MALRD1: variants seen among roughly 807,000 people sequenced by gnomAD.
The protein encoded by MALRD1 is MAM and LDL-receptor class A domain-containing protein 1.
In MALRD1, 247 loss-of-function variants were observed where a neutral mutation model predicts 242.1. That is an observed-to-expected ratio of 1.02 (90% confidence interval 0.92 to 1.13). The LOEUF is 1.13. MALRD1 is among the 50% of genes most tolerant of loss of function. The probability of loss-of-function intolerance (pLI) is 0.00; values close to 1 mark genes in which losing one functional copy is unlikely to be tolerated. For synonymous variants in MALRD1, 995 were observed against 866.6 expected, an observed-to-expected ratio of 1.15 and a Z score of -2.60; for missense variants, 2,989 against 2,533.1, an observed-to-expected ratio of 1.18 and a Z score of -3.86.
Position 19,050,022 on chromosome 10 carries a change from G to A in MALRD1, c.199+885G>A, listed in dbSNP as rs141484023. Among the ~76,000 whole-genome samples, 788 of 151,472 alleles carry A rather than the reference G, an allele frequency of 5.2e-3. 5 individuals carry two copies. Among genetic ancestry groups the A allele is most frequent in the African/African-American group, 0.019 (764 of 41,278 alleles). On this transcript the variant is annotated intron_variant, in intron 1 of 39. Coordinates refer to ENST00000454679, the MANE Select transcript of MALRD1 (RefSeq NM_001142308.3). Reference sequence around the variant, plus strand: ...AGAGTTCATAGTAGCTATTGGTGCGGTTAATTATCCAGAGGCACGAATTCT... The same window carrying A: ...AGAGTTCATAGTAGCTATTGGTGCGATTAATTATCCAGAGGCACGAATTCT...
intron 17 of MALRD1, among the ~76,000 whole-genome samples, chr10:19,205,957 T>G (rs886331685): frequency 6.6e-6 from 1 of 151,144 alleles, no homozygotes; most frequent in African/African-American, 2.4e-5. Context: ...AAAGAAAAAG[T>G]TTGCATCTTT....
intron 2 of MALRD1, among the ~76,000 whole-genome samples, chr10:19,076,424 C>T (rs1441917041): frequency 6.6e-6 from 1 of 151,832 alleles, no homozygotes; most frequent in African/African-American, 2.4e-5. Flanking sequence ...CTTACAGTTC[C>T]CTGTAAGAGT....
At chr10:19,368,222 C>T (rs1304289734) in intron 26 of MALRD1, among the ~76,000 whole-genome samples, 1 of 151,920 alleles carries the variant, frequency 6.6e-6, no homozygotes. Flanking sequence ...AAGCATTTCC[C>T]TTATGTTTTC....
chr10:19,283,078 G>A lies in MALRD1; in HGVS notation c.3316G>A (p.Val1106Ile). ...GTGTAAATGGTATCAACCAATCCCA[G>A]TACATTTGCTTCAAGATTCAAACAC... Reference protein sequence around the residue: ...SLCKWYQPIPVHLLQDSNTFR... With the variant: ...SLCKWYQPIPIHLLQDSNTFR... Residue 1106 changes from valine (V) to isoleucine (I), a missense_variant, in exon 21 of 40, where the codon GTA becomes ATA. Transcript: ENST00000454679. The A allele has an allele frequency of 6.5e-7, 1 of 1,550,102 alleles. No individual in the cohort carries two copies. Among genetic ancestry groups the A allele is most frequent in the Non-Finnish European group, 8.7e-7 (1 of 1,146,656 alleles).
intron 7 of MALRD1, among the ~76,000 whole-genome samples, chr10:19,127,905 A>T (rs886912406): frequency 6.6e-6 from 1 of 152,172 alleles, no homozygotes; most frequent in African/African-American, 2.4e-5. Flanking sequence ...TATTTAAAAG[A>T]AAATGGCAAT....
At chr10:19,314,338 A>G (rs1460345464) in intron 21 of MALRD1, among the ~76,000 whole-genome samples, 2 of 151,618 alleles carry the variant, frequency 1.3e-5, no homozygotes, top group African/African-American at 4.8e-5. Flanking sequence ...GAATCTAAAA[A>G]GGCTTGAAAA....
intron 24 of MALRD1, among the ~76,000 whole-genome samples, chr10:19,346,935 C>A (rs548627362): frequency 2.6e-5 from 4 of 152,254 alleles, no homozygotes; most frequent in Non-Finnish European, 5.9e-5. Context: ...CAGGTGTGAG[C>A]CACCATGCCC....
chr10:19,592,586 A>G (rs1261247632), intron 33 of MALRD1, among the ~76,000 whole-genome samples: 1 of 152,210 alleles, frequency 6.6e-6, no homozygotes, highest in Admixed American at 6.5e-5. Context: ...GACAAGCCCA[A>G]TGGCGACCTT....
intron 39 of MALRD1, among the ~76,000 whole-genome samples, chr10:19,733,653 C>T (rs1330710227): frequency 1.3e-5 from 2 of 149,004 alleles, no homozygotes; most frequent in Non-Finnish European, 3.0e-5. Flanking sequence ...TTTTCTTGCA[C>T]ATTATTTGTT....
chr10:19,317,311 T>A (rs1378099587), intron 21 of MALRD1, among the ~76,000 whole-genome samples: 2 of 151,918 alleles, frequency 1.3e-5, no homozygotes, highest in Admixed American at 1.3e-4. Flanking sequence ...TTCTAGGGTC[T>A]CTTTTCTAAG....
chr10:19,583,643 T>A (rs1267995882), intron 33 of MALRD1, among the ~76,000 whole-genome samples: 1 of 152,144 alleles, frequency 6.6e-6, no homozygotes, highest in African/African-American at 2.4e-5. Flanking sequence ...TTATTGAGGA[T>A]TTTTGCATCA....
intron 26 of MALRD1, among the ~76,000 whole-genome samples, chr10:19,380,079 A>T (rs7906873): frequency 0.59 from 87,770 of 150,006 alleles, 25,871 homozygotes; most frequent in Middle Eastern, 0.61. Context: ...GGTTCCAGGA[A>T]TTCTCCTGCC....
At chr10:19,595,552 C>A (rs1164571291) in intron 34 of MALRD1, 95 bp downstream of exon 34, 12 of 1,323,272 alleles carry the variant, frequency 9.1e-6, no homozygotes, top group African/African-American at 1.5e-5. Context: ...TCTCTAGAGC[C>A]TTACCGTGAT....
intron 33 of MALRD1, among the ~76,000 whole-genome samples, chr10:19,587,399 C>T (rs890013943): frequency 2.0e-5 from 3 of 152,192 alleles, no homozygotes; most frequent in South Asian, 2.1e-4. Context: ...ATAATTTCTG[C>T]ACTTTAAAAC....
chr10:19,231,282 C>A (rs574172703), intron 18 of MALRD1, among the ~76,000 whole-genome samples: 2 of 152,286 alleles, frequency 1.3e-5, no homozygotes, highest in East Asian at 3.9e-4. Context: ...TCTCAACTCC[C>A]TTTATCCAAT....
intron 26 of MALRD1, among the ~76,000 whole-genome samples, chr10:19,367,051 T>A (rs375592900): frequency 2.0e-5 from 3 of 152,188 alleles, no homozygotes; most frequent in Non-Finnish European, 4.4e-5. Flanking sequence ...ATACATGCAA[T>A]GTATAGTGAT....
intron 18 of MALRD1, among the ~76,000 whole-genome samples, chr10:19,242,679 A>G (rs1403286823): frequency 6.6e-6 from 1 of 152,100 alleles, no homozygotes; most frequent in Non-Finnish European, 1.5e-5. Context: ...GTCATTATAC[A>G]GTGACATTCT....
chr10:19,564,341 GT>G (rs1333191049), intron 32 of MALRD1, among the ~76,000 whole-genome samples: 1 of 151,836 alleles, frequency 6.6e-6, no homozygotes, highest in Non-Finnish European at 1.5e-5. Flanking sequence ...CCTGATTTTG[GT>G]CTATCTATGT....
intron 32 of MALRD1, among the ~76,000 whole-genome samples, chr10:19,539,857 C>CGTGTGT (rs368123598): frequency 2.4e-5 from 3 of 126,924 alleles, no homozygotes; most frequent in Non-Finnish European, 5.0e-5. Flanking sequence ...CAGCTTTGTG[C>CGTGTGT]GTGTGTGTGT....
Sources: allele counts gnomAD v4.1 joint callset (sites outside exome capture counted in the v4.1 genomes callset), GRCh38; gene constraint gnomAD v4.1.1; transcripts MANE v1.5; gene names NCBI Gene and HGNC (gene_info 2026-07-23, HGNC 2026-07-21).